The following KLHDC4 variants were observed in gnomAD, a reference collection of about 807,000 sequenced individuals.
KLHDC4 encodes the protein kelch domain-containing protein 4.
In KLHDC4, 90 loss-of-function variants were observed where a neutral mutation model predicts 62.4. The ratio of observed to expected loss-of-function variants is 1.44; its 90% CI spans 1.22 to 1.72. The LOEUF (loss-of-function observed/expected upper bound fraction) is 1.72, where lower values mean the gene tolerates loss of function less well. Ranked by LOEUF, KLHDC4 falls within the 40% of genes most tolerant of loss-of-function variation. The probability of loss-of-function intolerance (pLI) is 0.00; values close to 1 mark genes in which losing one functional copy is unlikely to be tolerated. For synonymous variants in KLHDC4, 386 were observed against 284.4 expected, an observed-to-expected ratio of 1.36 and a Z score of -3.59; for missense variants, 1,025 against 699.7, an observed-to-expected ratio of 1.47 and a Z score of -5.25.
chr16:87,756,274 G>A (rs1030924207), intron 3 of KLHDC4, 125 bp downstream of exon 3: 12 of 697,366 alleles, frequency 1.7e-5, no homozygotes, highest in South Asian at 1.5e-4. Context: ...CAGGCCTGAC[G>A]GCTCAAGCGC....
rs931839233 is a variant in KLHDC4 at position 87,761,683 on chromosome 16, C to G, written c.191+266G>C. ...GCTCACTGGGGCAAAACTTTCATCCCCACGTCACGACCAGTGGAGGAGCTT... is the reference window on the plus strand; with the variant it reads ...GCTCACTGGGGCAAAACTTTCATCCGCACGTCACGACCAGTGGAGGAGCTT... On this transcript the variant is annotated intron_variant, in intron 2 of 11. Transcript: ENST00000270583. Among the ~76,000 whole-genome samples, 288 of 152,280 alleles carry G rather than the reference C, an allele frequency of 1.9e-3. 4 individuals carry two copies. The highest frequency in any genetic ancestry group is 0.019 in the Admixed American group (285 of 15,286).
At chr16:87,731,960 C>T (rs966044678) in intron 5 of KLHDC4, among the ~76,000 whole-genome samples, 13 of 152,284 alleles carry the variant, frequency 8.5e-5, no homozygotes, top group African/African-American at 2.9e-4. Flanking sequence ...TGCACACGAG[C>T]GTCTTAAAGG....
intron 1 of KLHDC4, chr16:87,765,170 C>A (rs1049403591): frequency 2.2e-6 from 1 of 456,082 alleles, no homozygotes; most frequent in Admixed American, 2.3e-5. Flanking sequence ...GAACACTCAA[C>A]CCCAAGGTCA....
intron 6 of KLHDC4, among the ~76,000 whole-genome samples, chr16:87,730,056 C>G (rs905027755): frequency 6.6e-6 from 1 of 152,200 alleles, no homozygotes; most frequent in Non-Finnish European, 1.5e-5. Flanking sequence ...TGGGTTCAAG[C>G]GATTCTCCTG....
chr16:87,759,600 G>A (rs927039675), intron 2 of KLHDC4, among the ~76,000 whole-genome samples: 6 of 151,936 alleles, frequency 3.9e-5, no homozygotes, highest in Non-Finnish European at 8.8e-5. Context: ...TACAAAATTA[G>A]CCGGGCGTGG....
At chr16:87,701,846 C>T in exon 1 of KLHDC4, 1 of 456,694 alleles carries the variant, frequency 2.2e-6, no homozygotes, top group South Asian at 1.5e-5. Flanking sequence ...TCGTTAACAG[C>T]TGCCATCCAC....
At chr16:87,704,995 G>A (rs1001891500), downstream of KLHDC4, among the ~76,000 whole-genome samples, 3 of 152,260 alleles carry the variant, frequency 2.0e-5, no homozygotes. Flanking sequence ...AGGAGGAGCT[G>A]TGGCCCTGCT....
intron 7 of KLHDC4, among the ~76,000 whole-genome samples, chr16:87,718,950 G>A (rs530394927): frequency 4.6e-5 from 7 of 151,098 alleles, no homozygotes; most frequent in Admixed American, 2.0e-4. Context: ...GTCTCTGCCC[G>A]GCCGCCCGGT....
chr16:87,706,021 A>G (rs2034632157), downstream of KLHDC4, among the ~76,000 whole-genome samples: 4 of 150,166 alleles, frequency 2.7e-5, no homozygotes, highest in South Asian at 8.5e-4. Context: ...GGGTTGGCAC[A>G]AGGCAACACA....
At chr16:87,758,843 G>T (rs955226414) in intron 2 of KLHDC4, among the ~76,000 whole-genome samples, 4 of 152,224 alleles carry the variant, frequency 2.6e-5, no homozygotes, top group Admixed American at 2.0e-4. Flanking sequence ...ACAGCGACAT[G>T]AAGTAATTCC....
intron 7 of KLHDC4, among the ~76,000 whole-genome samples, chr16:87,717,480 G>T (rs1035668887): frequency 6.6e-6 from 1 of 152,154 alleles, no homozygotes; most frequent in African/African-American, 2.4e-5. Context: ...AAAACTAAGA[G>T]GGCTCCACAT....
intron 4 of KLHDC4, among the ~76,000 whole-genome samples, chr16:87,753,942 T>C (rs542983126): frequency 6.9e-6 from 1 of 144,496 alleles, no homozygotes; most frequent in East Asian, 2.1e-4. Flanking sequence ...CATTGTACTC[T>C]TACCTGGGTG....
rs754669030 is a variant in KLHDC4 at position 87,702,142 on chromosome 16, C to T, written c.373G>A (p.Gly125Ser). 27 of 456,114 alleles carry T rather than the reference C, an allele frequency of 5.9e-5. 1 individual carries two copies. The highest frequency in any genetic ancestry group is 6.5e-4 in the Middle Eastern group (2 of 3,098). The allele number at this position is 456,114 out of a possible 1,614,324, so 28.3% of individuals were successfully genotyped here. A position where few individuals can be genotyped will look rare whatever the true frequency, so the allele number is the denominator to read the frequency against. ...CCGCATGATCGTGTGTGGAACAGAC[C>T]GGGAGATTCCAGCAGATATGGGTTC... The change falls in exon 1 of 1, where the codon GGT becomes AGT. Residue 125 changes from glycine to serine, a missense_variant. By Grantham distance (56) the Gly-to-Ser change is moderately conservative (BLOSUM62 0). Coordinates refer to the KLHDC4 transcript ENST00000446344.
chr16:87,765,462 C>G (rs138514228), intron 1 of KLHDC4: 80 of 501,990 alleles, frequency 1.6e-4, no homozygotes, highest in African/African-American at 1.4e-3. Context: ...CCTCTTCTCA[C>G]CACCCAGCCT....
At chr16:87,730,165 G>A (rs1205146568) in intron 6 of KLHDC4, among the ~76,000 whole-genome samples, 1 of 152,150 alleles carries the variant, frequency 6.6e-6, no homozygotes, top group Non-Finnish European at 1.5e-5. Context: ...TGTTGGCCAC[G>A]CTGGTTTCGA....
chr16:87,741,001 C>G (rs578035884), intron 5 of KLHDC4: 1 of 152,172 alleles, frequency 6.6e-6, no homozygotes, highest in African/African-American at 2.4e-5. Flanking sequence ...CAACGAGGCA[C>G]GGATGCTCCC....
At chr16:87,756,908 G>C (rs1052610952) in intron 2 of KLHDC4, among the ~76,000 whole-genome samples, 3 of 151,796 alleles carry the variant, frequency 2.0e-5, no homozygotes, top group African/African-American at 4.8e-5. Context: ...CCAACTCCTG[G>C]GTTCAAGCAA....
chr16:87,755,819 C>G (rs1409512673), intron 3 of KLHDC4: 2 of 162,436 alleles, frequency 1.2e-5, no homozygotes, highest in Admixed American at 1.1e-4. Context: ...CCCACCTCGG[C>G]CTCCCAAAGT....
At chr16:87,711,183 A>T in intron 9 of KLHDC4, 52 bp downstream of exon 9, 1 of 1,587,328 alleles carries the variant, frequency 6.3e-7, no homozygotes, top group Non-Finnish European at 8.6e-7. Flanking sequence ...GGTGGCAGGG[A>T]CCCAAGTTAG....
Sources: gnomAD v4.1 joint callset for allele counts (sites outside exome capture counted in the v4.1 genomes callset) on GRCh38, gnomAD v4.1.1 for gene constraint, MANE v1.5 for transcripts, NCBI Gene and HGNC (gene_info 2026-07-23, HGNC 2026-07-21) for gene names.